The following MIB2 variants were observed in gnomAD, a reference collection of about 807,000 sequenced individuals.
The protein encoded by MIB2 is E3 ubiquitin-protein ligase MIB2.
A neutral mutation model predicts 96.6 loss-of-function variants in MIB2; 78 were observed. The ratio of observed to expected loss-of-function variants is 0.81; its 90% CI spans 0.67 to 0.97. MIB2 has a LOEUF of 0.97. MIB2 is among the 50% of genes least tolerant of loss of function. The probability of loss-of-function intolerance (pLI) is 0.00; values close to 1 mark genes in which losing one functional copy is unlikely to be tolerated. For missense variants in MIB2, 1,543 were observed against 1,424.0 expected (o/e 1.08, Z -1.35); for synonymous variants, 820 against 629.5 (o/e 1.30, Z -4.53).
chr1:1,623,587 C>T lies in MIB2; in HGVS notation c.135C>T (p.Pro45=), dbSNP rs1164684522. ...TVVELGRHGS[P]STPDRTVVVQ... ...TGGAGCTTGGCCGCCACGGCAGCCCCTCGACACCCGACCGCACAGTGGTCG... is the reference window on the plus strand; with the variant it reads ...TGGAGCTTGGCCGCCACGGCAGCCCTTCGACACCCGACCGCACAGTGGTCG... The change falls in exon 3 of 20, where the codon CCC becomes CCT. Residue 45 remains proline, a synonymous_variant. Transcript: ENST00000355826. 1.3e-6 allele frequency: 2 copies of T among 1,512,014 alleles called. No individual in the cohort carries two copies. The highest frequency in any genetic ancestry group is 2.1e-5 in the Admixed American group (1 of 46,710). The allele number at this position is 1,512,014 out of a possible 1,614,324, so 93.7% of individuals were successfully genotyped here.
intron 4 of MIB2, 165 bp downstream of exon 4, chr1:1,624,110 G>C: frequency 1.1e-6 from 1 of 873,200 alleles, no homozygotes; most frequent in Non-Finnish European, 1.7e-6. Context: ...AGGGCACAGA[G>C]GGTGGCCTCT....
rs780108649 is a variant in MIB2, at chr1:1,623,960, G to A, written c.419+15G>A. On this transcript the variant is annotated intron_variant, in intron 4 of 19. Coordinates refer to ENST00000355826, the MANE Select transcript of MIB2 (RefSeq NM_001170687.4). ...CACTCGCGCCCGTGAGTCCCGGGCC[G>A]CACCGGCTCCTGTGCGGCGGGTACC... The A allele has an allele frequency of 1.3e-5, 20 of 1,593,738 alleles. No individual in the cohort carries two copies. The highest frequency in any genetic ancestry group is 8.5e-5 in the Admixed American group (5 of 59,100).
Position 1,625,098 on chromosome 1 carries a change from C to T in MIB2, c.634C>T (p.Arg212Cys), listed in dbSNP as rs1450785656. Residue 212 changes from arginine (R) to cysteine (C), a missense_variant, in exon 6 of 20, where the codon CGT becomes TGT. Transcript: ENST00000355826. This position sits in a 1 kb window ranked among gnomAD's most constrained non-coding sequence, Gnocchi z 5.0. The stretch of plus-strand genomic sequence containing the variant: ...GGCTGATGGTACCACCAATGTGTAC[C>T]GTGTGGGCCACAAGGGCAAGGTGGA... ...TWADGTTNVYRVGHKGKVDLK... is the reference protein window; with the variant it reads ...TWADGTTNVYCVGHKGKVDLK... 7 of 1,613,232 alleles carry T rather than the reference C, an allele frequency of 4.3e-6. No individual in the cohort carries two copies. Among genetic ancestry groups the T allele is most frequent in the East Asian group, 2.2e-5 (1 of 44,894 alleles).
chr1:1,615,449 G>A (rs894155150), upstream of MIB2: 9 of 1,510,286 alleles, frequency 6.0e-6, no homozygotes, highest in East Asian at 2.5e-5. Flanking sequence ...CCCCGTGGCG[G>A]GGGCGTGGCC....
In MIB2 at chr1:1,625,463, G is replaced by GCCCAGCCCCCC; in HGVS notation, c.864+38_864+39insAGCCCCCCCCC. 6.4e-7 allele frequency: 1 copy of GCCCAGCCCCCC among 1,556,176 alleles called. No individual in the cohort carries two copies. The highest frequency in any genetic ancestry group is 8.7e-7 in the Non-Finnish European group (1 of 1,149,252). ...CCCGCCGTGGAGCCCTGTGTGCCCT[G>GCCCAGCCCCCC]CCCTCCCAGCCCTCCGCCCCCTCAG... is the stretch of plus-strand genomic sequence containing the variant. On this transcript the variant is annotated intron_variant, in intron 7 of 19. Coordinates refer to ENST00000355826, the MANE Select transcript of MIB2 (RefSeq NM_001170687.4). This position sits in a 1 kb window ranked among gnomAD's most constrained non-coding sequence, Gnocchi z 5.0.
intron 2 of MIB2, chr1:1,618,152 C>G (rs1354615714): frequency 6.5e-6 from 1 of 152,690 alleles, no homozygotes; most frequent in African/African-American, 2.4e-5. Flanking sequence ...GAAACCTTGG[C>G]CAGGTTGGTG....
chr1:1,624,353 C>T lies in MIB2; in HGVS notation c.419+408C>T, dbSNP rs569472525. On this transcript the variant is annotated intron_variant, in intron 4 of 19. Transcript: ENST00000355826. ...TCACCTTTGTCTCTGGCCCTCCCTG[C>T]ACGTGGAGGGAGGTGTGGTTGTCTT... 60 of 381,430 alleles carry T rather than the reference C, an allele frequency of 1.6e-4. 1 individual carries two copies. Among genetic ancestry groups the T allele is most frequent in the South Asian group, 1.6e-3 (60 of 38,192 alleles). The allele number at this position is 381,430 out of a possible 1,614,324, so 23.6% of individuals were successfully genotyped here. A position where few individuals can be genotyped will look rare whatever the true frequency, so the allele number is the denominator to read the frequency against.
intron 4 of MIB2, 27 bp from the exon 5 acceptor site, chr1:1,624,768 G>C (rs1445927810): frequency 1.2e-6 from 2 of 1,601,426 alleles, no homozygotes; most frequent in Admixed American, 3.4e-5. Context: ...TTTCTTCTGA[G>C]AGCTTTATTT....
At chr1:1,624,211 C>G in intron 4 of MIB2, 1 of 528,436 alleles carries the variant, frequency 1.9e-6, no homozygotes, top group Non-Finnish European at 3.4e-6. Context: ...TACCCGGAGC[C>G]AGCACCTGGG....
chr1:1,617,468 C>G (rs1316064737), intron 2 of MIB2: 1 of 152,258 alleles, frequency 6.6e-6, no homozygotes, highest in Non-Finnish European at 1.5e-5. Flanking sequence ...AAAAGAGAAA[C>G]TAAGCAGCAA....
rs1399630326 is a variant in MIB2, at chr1:1,625,469, C to G, written c.864+41C>G. 3 of 1,556,630 alleles carry G rather than the reference C, an allele frequency of 1.9e-6. No homozygotes were observed. The African/African-American group carries it at 4.1e-5, about 21-fold the overall frequency. ...GTGGAGCCCTGTGTGCCCTGCCCTC[C>G]CAGCCCTCCGCCCCCTCAGCCCCTT... On this transcript the variant is annotated intron_variant, in intron 7 of 19. Coordinates refer to ENST00000355826, the MANE Select transcript of MIB2 (RefSeq NM_001170687.4). The surrounding 1 kb of genome is among the most constrained non-coding windows in gnomAD (Gnocchi z 5.0).
chr1:1,626,150 C>G lies in MIB2; in HGVS notation c.972+497C>G, dbSNP rs907584646. ...TGGGAGGGGCAGGCCCGGGGCAAAG[C>G]GTCAGAGCTCAGCTCTGGATCTGGG... On this transcript the variant is annotated intron_variant, in intron 8 of 19. Coordinates refer to ENST00000355826, the MANE Select transcript of MIB2 (RefSeq NM_001170687.4). The surrounding 1 kb of genome is among the most constrained non-coding windows in gnomAD (Gnocchi z 5.3). The G allele has an allele frequency of 5.1e-6, 1 of 195,850 alleles. No homozygotes were observed. Among genetic ancestry groups the G allele is most frequent in the African/African-American group, 2.3e-5 (1 of 42,626 alleles). 12.1% of individuals were successfully genotyped at this position (195,850 alleles called of 1,614,324 possible). A position where few individuals can be genotyped will look rare whatever the true frequency, so the allele number is the denominator to read the frequency against.
intron 4 of MIB2, among the ~76,000 whole-genome samples, chr1:1,624,525 G>T (rs1306380273): frequency 6.6e-6 from 1 of 152,212 alleles, no homozygotes; most frequent in Non-Finnish European, 1.5e-5. Context: ...GTGGGCCCGG[G>T]TGCCTTCCCA....
intron 4 of MIB2, 96 bp downstream of exon 4, chr1:1,624,041 C>G: frequency 7.3e-7 from 1 of 1,369,472 alleles, no homozygotes; most frequent in Non-Finnish European, 9.9e-7. Flanking sequence ...CCTGACCGCT[C>G]CCAGGAAGAC....
intron 2 of MIB2, chr1:1,617,586 G>C (rs1379422737): frequency 6.6e-6 from 1 of 152,182 alleles, no homozygotes; most frequent in Non-Finnish European, 1.5e-5. Context: ...CTGCCCGTCT[G>C]GTTTGCTGTG....
Position 1,625,965 on chromosome 1 carries a change from G to A in MIB2, c.972+312G>A. ...GGGAGGGAGGCGGCTGGGCTAAGAT[G>A]CTCCTGGTTAGTGCTGTATGGGGGC... On this transcript the variant is annotated intron_variant, in intron 8 of 19. Transcript: ENST00000355826. This position sits in a 1 kb window ranked among gnomAD's most constrained non-coding sequence, Gnocchi z 5.0. 1 of 454,420 alleles carries A rather than the reference G, an allele frequency of 2.2e-6. No individual in the cohort carries two copies. The highest frequency in any genetic ancestry group is 3.6e-5 in the Admixed American group (1 of 27,622). The allele number at this position is 454,420 out of a possible 1,614,324, so 28.1% of individuals were successfully genotyped here. A position where few individuals can be genotyped will look rare whatever the true frequency, so the allele number is the denominator to read the frequency against.
chr1:1,629,476 C>G lies in MIB2; in HGVS notation c.2473C>G (p.Pro825Ala), dbSNP rs1336059059. ...GACGAACCTGCACGTGGGCGCCGCG[C>G]CGGGGCCCGAGGCCGCTGAGTGCCT... Reference protein sequence around the residue: ...TVTNLHVGAAPGPEAAECLVC... With the variant: ...TVTNLHVGAAAGPEAAECLVC... The change falls in exon 18 of 20, where the codon CCG becomes GCG. Residue 825 changes from proline to alanine, a missense_variant. Coordinates refer to ENST00000355826, the MANE Select transcript of MIB2 (RefSeq NM_001170687.4). 2.0e-6 allele frequency: 3 copies of G among 1,532,354 alleles called. No homozygotes were observed. The highest frequency in any genetic ancestry group is 2.6e-6 in the Non-Finnish European group (3 of 1,145,398). 94.9% of individuals were successfully genotyped at this position (1,532,354 alleles called of 1,614,324 possible).
In MIB2 at chr1:1,627,513, CCCGG is replaced by C. The variant is rs1178759201; in HGVS notation, c.1523+75_1523+78del. ...GTCCTGGGGTGAGGCCTGGGAGGGGCCCGGCCGGCGGGGCTGAGCCTGTGCGTCC... is the reference window on the plus strand; with the variant it reads ...GTCCTGGGGTGAGGCCTGGGAGGGGCCCGGCGGGGCTGAGCCTGTGCGTCC... On this transcript the variant is annotated intron_variant, in intron 12 of 19. Transcript: ENST00000355826. The C allele has an allele frequency of 5.7e-4, 862 of 1,507,762 alleles. 20 individuals carry two copies. The African/African-American group carries it at 0.012, about 20-fold the overall frequency. 93.4% of individuals were successfully genotyped at this position (1,507,762 alleles called of 1,614,324 possible). A position where few individuals can be genotyped will look rare whatever the true frequency, so the allele number is the denominator to read the frequency against.
In MIB2 at chr1:1,626,661, C is replaced by T. The variant is rs748353797; in HGVS notation, c.984C>T (p.Phe328=). Residue 328 remains phenylalanine, a synonymous_variant, in exon 9 of 20, where the codon TTC becomes TTT. Coordinates refer to ENST00000355826, the MANE Select transcript of MIB2 (RefSeq NM_001170687.4). The surrounding 1 kb of genome is among the most constrained non-coding windows in gnomAD (Gnocchi z 5.3). ...HPGALTKHHS[F]WVGDVVRVIG... is the part of the protein sequence containing the mutation. ...TCTTTGTCGCTCAGCACCACTCCTT[C>T]TGGGTGGGCGACGTGGTCCGGGTCA... is the stretch of plus-strand genomic sequence containing the variant. 28 of 1,577,392 alleles carry T rather than the reference C, an allele frequency of 1.8e-5. No homozygotes were observed. Among genetic ancestry groups the T allele is most frequent in the Non-Finnish European group, 2.3e-5 (27 of 1,162,240 alleles).
Sources: allele counts gnomAD v4.1 joint callset (sites outside exome capture counted in the v4.1 genomes callset), GRCh38; gene constraint gnomAD v4.1.1; non-coding constraint Gnocchi (gnomAD v3.1); transcripts MANE v1.5; gene names NCBI Gene and HGNC (gene_info 2026-07-23, HGNC 2026-07-21).